The following CAPN6 variants were observed in gnomAD, a reference collection of about 807,000 sequenced individuals.
CAPN6 encodes calpain 6.
Under a neutral mutation model 46.0 loss-of-function variants are expected in CAPN6, and 16 were observed. That is an observed-to-expected ratio of 0.35 (90% CI 0.24 to 0.53). CAPN6 has a LOEUF of 0.53. CAPN6 is among the 20% of genes least tolerant of loss of function. CAPN6 has a pLI of 0.94. For missense variants in CAPN6, 461 were observed against 498.0 expected (o/e 0.93, Z 0.71); for synonymous variants, 206 against 172.8 (o/e 1.19, Z -1.51).
At chrX:111,255,001 T>C (rs1442470031) in intron 2 of CAPN6, among the ~76,000 whole-genome samples, 1 of 111,479 alleles carries the variant, frequency 9.0e-6, no homozygotes, top group Admixed American at 9.5e-5. Context: ...GCAGCATTAA[T>C]AGCAAGTGGT....
chrX:111,269,534 A>G (rs772274944), intron 1 of CAPN6, among the ~76,000 whole-genome samples: 11 of 112,038 alleles, frequency 9.8e-5, no homozygotes, highest in Middle Eastern at 4.6e-3. Flanking sequence ...CTTTTCAGCA[A>G]ACTTACAGTT....
chrX:111,254,657 T>G (rs192914758), intron 2 of CAPN6, among the ~76,000 whole-genome samples: 24 of 111,376 alleles, frequency 2.2e-4, no homozygotes, highest in Admixed American at 2.1e-3. Flanking sequence ...TTGGGTGCCA[T>G]GCGGTGGTGA....
intron 1 of CAPN6, among the ~76,000 whole-genome samples, chrX:111,266,614 TC>T (rs2094992189): frequency 8.9e-6 from 1 of 112,636 alleles, no homozygotes; most frequent in Non-Finnish European, 1.9e-5. Context: ...CGGGTTCTCA[TC>T]ATAGCAGTCA....
chrX:111,248,077 A>T (rs2094976034), intron 10 of CAPN6, 85 bp from the exon 11 acceptor site: 1 of 944,978 alleles, frequency 1.1e-6, no homozygotes, highest in Admixed American at 2.3e-5. Context: ...ATCATTGCTG[A>T]AAAGCATGAG....
rs1239440076 is a variant in CAPN6 at position 111,254,484 on chromosome X, C to A, written c.166-81G>T. ...CTGTGAGCTGAACTAGGCAGGACAG[C>A]CTTCATAGAGGAGATAAGGTTAGGG... On this transcript the variant is annotated intron_variant, in intron 2 of 12. Coordinates refer to ENST00000324068, the MANE Select transcript of CAPN6 (RefSeq NM_014289.4). 9.5e-6 allele frequency: 7 copies of A among 740,703 alleles called. No homozygotes were observed. In the African/African-American group the frequency reaches 1.3e-4, roughly 13 times the overall value. The allele number at this position is 740,703 out of a possible 1,213,427, so 61.0% of individuals were successfully genotyped here.
Position 111,252,353 on chromosome X carries a change from A to T in CAPN6, c.653T>A (p.Leu218Gln). 1 of 1,210,072 alleles carries T rather than the reference A, an allele frequency of 8.3e-7. No homozygotes were observed. ...VEEKYKLFGE[L>Q]YKTFTKGGLI... is the part of the protein sequence containing the mutation. ...ACCACCTTTGGTAAATGTTTTGTAC[A>T]GTTCTCCGAATAGCTTGTACTTCTC... The change falls in exon 5 of 13, where the codon CTG becomes CAG. Residue 218 changes from leucine to glutamine, a missense_variant. Transcript: ENST00000324068.
intron 2 of CAPN6, among the ~76,000 whole-genome samples, chrX:111,257,498 G>A (rs769109857): frequency 8.9e-6 from 1 of 112,063 alleles, no homozygotes; most frequent in Admixed American, 9.5e-5. Context: ...AGGAAGTGAG[G>A]CATTAAAAGA....
intron 1 of CAPN6, among the ~76,000 whole-genome samples, chrX:111,270,102 A>C (rs1187875964): frequency 9.0e-6 from 1 of 111,634 alleles, no homozygotes; most frequent in African/African-American, 3.3e-5. Context: ...ACACACAAAA[A>C]ACTGACCAGA....
chrX:111,247,984 G>T lies in CAPN6; in HGVS notation c.1493C>A (p.Thr498Asn). ...SEVPVQLREL[T>N]LDMPKMSCWN... ...GCAGGACATTTTGGGCATGTCCAGA[G>T]TCAGTTCCCTAGAACATCAAAAATA... The change falls in exon 11 of 13, where the codon ACT becomes AAT. Residue 498 changes from threonine (T) to asparagine (N), a missense_variant. Transcript: ENST00000324068. 8.3e-7 allele frequency: 1 copy of T among 1,208,974 alleles called. No homozygotes were observed. The highest frequency in any genetic ancestry group is 1.8e-5 in the South Asian group (1 of 56,613).
chrX:111,267,580 G>T (rs1456711440), intron 1 of CAPN6, among the ~76,000 whole-genome samples: 2 of 111,434 alleles, frequency 1.8e-5, no homozygotes, highest in Admixed American at 9.5e-5. Context: ...AAAATCTCTT[G>T]CTTCTTAACC....
At chrX:111,253,357 C>G (rs1341196961) in intron 3 of CAPN6, 141 bp from the exon 4 acceptor site, 2 of 494,031 alleles carry the variant, frequency 4.0e-6, no homozygotes, top group Non-Finnish European at 6.9e-6. Flanking sequence ...TTGGAAATTC[C>G]TAGATATGGC....
intron 2 of CAPN6, among the ~76,000 whole-genome samples, chrX:111,260,711 CAGAT>C (rs776964957): frequency 8.9e-6 from 1 of 112,096 alleles, no homozygotes; most frequent in Admixed American, 9.4e-5. Context: ...GGAGGAGGCT[CAGAT>C]GGTGGTCCAG....
chrX:111,265,968 A>G (rs1237567190), intron 1 of CAPN6, among the ~76,000 whole-genome samples: 2 of 111,276 alleles, frequency 1.8e-5, no homozygotes, highest in Non-Finnish European at 3.8e-5. Context: ...TGTGATCCCA[A>G]TAGACTCTTT....
chrX:111,270,252 A>G (rs1365937422), intron 1 of CAPN6, 119 bp downstream of exon 1: 2 of 202,624 alleles, frequency 9.9e-6, no homozygotes, highest in Non-Finnish European at 1.9e-5. Context: ...GACAAGCCAT[A>G]AAATATAGCT....
chrX:111,264,916 G>T (rs761519698), intron 1 of CAPN6, among the ~76,000 whole-genome samples: 12 of 111,555 alleles, frequency 1.1e-4, no homozygotes, highest in Admixed American at 5.7e-4. Context: ...GATTCACAAA[G>T]ATTTGTAATG....
intron 4 of CAPN6, among the ~76,000 whole-genome samples, chrX:111,252,793 G>T (rs969793841): frequency 1.8e-5 from 2 of 111,840 alleles, no homozygotes; most frequent in Non-Finnish European, 3.8e-5. Context: ...CTGGGAGCAG[G>T]TAAGAGTTTA....
At chrX:111,250,822 T>G (rs147319215) in intron 8 of CAPN6, 95 bp downstream of exon 8, 932 of 818,987 alleles carry the variant, frequency 1.1e-3, no homozygotes, top group Non-Finnish European at 1.5e-3. Context: ...AAAGGAAGAT[T>G]TGATGCTAAA....
chrX:111,269,699 G>A (rs191673972), intron 1 of CAPN6, among the ~76,000 whole-genome samples: 9 of 111,914 alleles, frequency 8.0e-5, no homozygotes, highest in African/African-American at 2.6e-4. Context: ...TGAAATCAAA[G>A]TTTAAACCAA....
chrX:111,251,419 C>G, intron 6 of CAPN6, 130 bp downstream of exon 6: 1 of 903,021 alleles, frequency 1.1e-6, no homozygotes, highest in East Asian at 3.1e-5. Flanking sequence ...GGCTGGGTCA[C>G]AGACCCCGTG....
Sources: allele counts gnomAD v4.1 joint callset (sites outside exome capture counted in the v4.1 genomes callset), GRCh38; gene constraint gnomAD v4.1.1; transcripts MANE v1.5; gene names NCBI Gene and HGNC (gene_info 2026-07-23, HGNC 2026-07-21).